RNFT2: variants seen among roughly 807,000 people sequenced by gnomAD.
The protein encoded by RNFT2 is ring finger protein, transmembrane 2.
RNFT2 carries 36 observed loss-of-function variants against 53.0 expected under a neutral mutation model. The ratio of observed to expected loss-of-function variants is 0.68; its 90% confidence interval spans 0.52 to 0.90. The LOEUF (loss-of-function observed/expected upper bound fraction) is 0.90, where lower values mean the gene tolerates loss of function less well. RNFT2 is among the 40% of genes least tolerant of loss of function. The pLI is 0.00. For missense variants in RNFT2, 514 were observed against 585.6 expected (o/e 0.88, Z 1.26); for synonymous variants, 260 against 253.2 (o/e 1.03, Z -0.26).
At chr12:116,755,365 C>CT (rs59801471) in intron 5 of RNFT2, 152 of 626,850 alleles carry the variant, frequency 2.4e-4, no homozygotes, top group African/African-American at 8.9e-4. Flanking sequence ...GCCCAGAGGT[C>CT]TTTTTTTTTT....
In RNFT2 at chr12:116,750,039, C is replaced by T. The variant is rs1410078904; in HGVS notation, c.282C>T (p.Ser94=). The T allele has an allele frequency of 6.4e-7, 1 of 1,552,100 alleles. No homozygotes were observed. The highest frequency in any genetic ancestry group is 8.7e-7 in the Non-Finnish European group (1 of 1,149,098). Residue 94 remains serine (S), a synonymous_variant, in exon 4 of 11, where the codon TCC becomes TCT. Transcript: ENST00000257575. The part of the protein sequence containing the change: ...GGDVFIQMPA[S]REEGGGRGEG... ...ACGTGTTCATCCAGATGCCCGCGTC[C>T]AGGGAGGAAGGAGGGGGCCGGGGCG...
At chr12:116,809,569 A>G (rs1875262926) in intron 7 of RNFT2, among the ~76,000 whole-genome samples, 1 of 152,170 alleles carries the variant, frequency 6.6e-6, no homozygotes, top group Non-Finnish European at 1.5e-5. Context: ...GAGCCATGCC[A>G]AGATGGTCAG....
At chr12:116,823,245 G>C (rs1305454220) in intron 7 of RNFT2, among the ~76,000 whole-genome samples, 1 of 152,088 alleles carries the variant, frequency 6.6e-6, no homozygotes, top group Non-Finnish European at 1.5e-5. Context: ...GGCGGAGCTG[G>C]GTCAACACCC....
At chr12:116,751,459 A>G (rs2137076066) in intron 4 of RNFT2, among the ~76,000 whole-genome samples, 1 of 152,100 alleles carries the variant, frequency 6.6e-6, no homozygotes, top group Non-Finnish European at 1.5e-5. Context: ...GCTGGAGTGC[A>G]ATGGCGCGAC....
At chr12:116,768,962 C>G (rs1592947786) in intron 6 of RNFT2, among the ~76,000 whole-genome samples, 1 of 152,182 alleles carries the variant, frequency 6.6e-6, no homozygotes, top group East Asian at 1.9e-4. Context: ...AACTCCTGAT[C>G]TCAGGTGATC....
intron 10 of RNFT2, among the ~76,000 whole-genome samples, chr12:116,836,592 A>ACT (rs1182006858): frequency 1.3e-5 from 2 of 151,856 alleles, no homozygotes; most frequent in African/African-American, 2.4e-5. Flanking sequence ...TGGGTCAGTC[A>ACT]CTCTCTCTCT....
rs139824657 is a variant in RNFT2 at position 116,820,469 on chromosome 12, C to T, written c.883-13323C>T. On this transcript the variant is annotated intron_variant, in intron 7 of 10. Coordinates refer to ENST00000257575, the MANE Select transcript of RNFT2 (RefSeq NM_001382266.1). ...CATAGCGACATGTGACCAGTGGTTACTGGATTGGCTGTGGTGGATATGGAA... is the reference window on the plus strand; with the variant it reads ...CATAGCGACATGTGACCAGTGGTTATTGGATTGGCTGTGGTGGATATGGAA... 1.7e-3 allele frequency among the ~76,000 whole-genome samples: 259 copies of T among 152,314 alleles called. 1 individual carries two copies. The highest frequency in any genetic ancestry group is 5.7e-3 in the African/African-American group (235 of 41,566).
intron 7 of RNFT2, among the ~76,000 whole-genome samples, chr12:116,817,019 G>A (rs2137174409): frequency 6.6e-6 from 1 of 152,060 alleles, no homozygotes. Context: ...TTTTTGTTTT[G>A]TTTTGTTTTT....
At chr12:116,824,319 C>T (rs73405184) in intron 7 of RNFT2, among the ~76,000 whole-genome samples, 5,477 of 152,250 alleles carry the variant, frequency 0.036, 344 homozygotes, top group African/African-American at 0.12. Flanking sequence ...TTGTCCATTA[C>T]TCATTCAGCA....
rs77971218 is a variant in RNFT2 at position 116,820,615 on chromosome 12, C to T, written c.883-13177C>T. On this transcript the variant is annotated intron_variant, in intron 7 of 10. Coordinates refer to ENST00000257575, the MANE Select transcript of RNFT2 (RefSeq NM_001382266.1). ...TCTACCCCCATAGCTTGTATCTTTT[C>T]TTTCTCTTTCTCCCACATCTTACTT... 7.3e-3 allele frequency among the ~76,000 whole-genome samples: 1,105 copies of T among 150,408 alleles called. 16 individuals carry two copies. The highest frequency in any genetic ancestry group is 0.025 in the African/African-American group (1,045 of 41,404).
intron 7 of RNFT2, among the ~76,000 whole-genome samples, chr12:116,796,877 A>G (rs1308292743): frequency 6.6e-6 from 1 of 152,212 alleles, no homozygotes; most frequent in African/African-American, 2.4e-5. Flanking sequence ...ACTGGTTCCA[A>G]CTACCCACAC....
chr12:116,803,859 T>A (rs1874924456), intron 7 of RNFT2, among the ~76,000 whole-genome samples: 1 of 152,206 alleles, frequency 6.6e-6, no homozygotes, highest in South Asian at 2.1e-4. Flanking sequence ...GAGAATTACA[T>A]GAAAGGTTTT....
At chr12:116,823,910 G>A (rs1467803778) in intron 7 of RNFT2, among the ~76,000 whole-genome samples, 1 of 152,082 alleles carries the variant, frequency 6.6e-6, no homozygotes, top group African/African-American at 2.4e-5. Context: ...CATTTTACTA[G>A]CGAGGAAACT....
Position 116,754,075 on chromosome 12 carries a change from G to A in RNFT2, c.627+15G>A, listed in dbSNP as rs745380559. 52 of 1,607,488 alleles carry A rather than the reference G, an allele frequency of 3.2e-5. No homozygotes were observed. The highest frequency in any genetic ancestry group is 1.6e-4 in the African/African-American group (12 of 74,786). ...TCTCACTGAAGGTGAGTCACTTTCC[G>A]ACCTAGTCTCCTGTGGCTGCTGCAA... On this transcript the variant is annotated intron_variant, in intron 5 of 10. Coordinates refer to ENST00000257575, the MANE Select transcript of RNFT2 (RefSeq NM_001382266.1).
rs117158709 is a variant in RNFT2 at position 116,812,893 on chromosome 12, C to T, written c.883-20899C>T. On this transcript the variant is annotated intron_variant, in intron 7 of 10. Coordinates refer to ENST00000257575, the MANE Select transcript of RNFT2 (RefSeq NM_001382266.1). ...GTTCCAAGAGTTTCAGTACCTTGTC[C>T]ATAATCCCACGCCATTCAGAGGCAA... Among the ~76,000 whole-genome samples the T allele has an allele frequency of 0.013, 1,930 of 152,182 alleles. 95 individuals carry two copies. The East Asian group carries it at 0.13, about 11-fold the overall frequency.
Position 116,833,846 on chromosome 12 carries a change from C to T in RNFT2, c.937C>T (p.Pro313Ser). The change falls in exon 8 of 11, where the codon CCC becomes TCC. Residue 313 changes from proline to serine, a missense_variant. Around this residue, in one of 3 missense-constraint regions of RNFT2, gnomAD observed 273 missense variants for 334.4 expected, o/e 0.82. Coordinates refer to ENST00000257575, the MANE Select transcript of RNFT2 (RefSeq NM_001382266.1). ...ELSQLFRSLVPIQLWYKYIMG... is the reference protein window; with the variant it reads ...ELSQLFRSLVSIQLWYKYIMG... ...GAGCCAGCTGTTCCGATCCCTTGTCCCCATCCAGCTGTGGTACAAATACAT... is the reference window on the plus strand; with the variant it reads ...GAGCCAGCTGTTCCGATCCCTTGTCTCCATCCAGCTGTGGTACAAATACAT... 6.2e-7 allele frequency: 1 copy of T among 1,613,320 alleles called. No individual in the cohort carries two copies. Among genetic ancestry groups the T allele is most frequent in the Non-Finnish European group, 8.5e-7 (1 of 1,179,592 alleles).
intron 4 of RNFT2, among the ~76,000 whole-genome samples, chr12:116,751,894 T>G (rs1484994765): frequency 6.6e-6 from 1 of 150,854 alleles, no homozygotes; most frequent in Non-Finnish European, 1.5e-5. Flanking sequence ...GTGATCCACC[T>G]GCCTTGGCCT....
intron 5 of RNFT2, 67 bp downstream of exon 5, chr12:116,754,127 C>A (rs1323245625): frequency 3.0e-6 from 4 of 1,316,106 alleles, no homozygotes; most frequent in African/African-American, 1.4e-5. Context: ...CAGGCACAGT[C>A]TTCCCGGCAA....
At chr12:116,819,402 C>T (rs1161066911) in intron 7 of RNFT2, among the ~76,000 whole-genome samples, 2 of 152,068 alleles carry the variant, frequency 1.3e-5, no homozygotes, top group Non-Finnish European at 2.9e-5. Context: ...GCGGGGCGGC[C>T]CGGGGCGCGG....
Sources: allele counts gnomAD v4.1 joint callset (sites outside exome capture counted in the v4.1 genomes callset), GRCh38; gene constraint gnomAD v4.1.1; regional missense constraint gnomAD v4.1.1; transcripts MANE v1.5; gene names NCBI Gene and HGNC (gene_info 2026-07-23, HGNC 2026-07-21).